The following CPS1 variants were observed in gnomAD, a reference collection of about 807,000 sequenced individuals.
The protein encoded by CPS1 is carbamoyl-phosphate synthase [ammonia], mitochondrial.
Under a neutral mutation model 174.6 loss-of-function variants are expected in CPS1, and 109 were observed. The observed-to-expected ratio is 0.62, with a 90% CI of 0.53 to 0.73. The LOEUF (loss-of-function observed/expected upper bound fraction) is 0.73. CPS1 is among the 30% of genes least tolerant of loss of function. CPS1 has a pLI of 0.00. For missense variants in CPS1, 1,689 were observed against 1,821.9 expected (o/e 0.93, Z 1.33); for synonymous variants, 637 against 632.0 (o/e 1.01, Z -0.12).
At chr2:210,571,136 A>T (rs1697465555) in intron 1 of CPS1, among the ~76,000 whole-genome samples, 1 of 151,936 alleles carries the variant, frequency 6.6e-6, no homozygotes, top group Non-Finnish European at 1.5e-5. Flanking sequence ...TTCACTCATA[A>T]TAAATAATAA....
intron 1 of CPS1, among the ~76,000 whole-genome samples, chr2:210,485,549 AT>A (rs979500985): frequency 1.8e-4 from 27 of 151,936 alleles, no homozygotes; most frequent in Admixed American, 3.3e-4. Context: ...TGTAATTCTG[AT>A]TTTTTTCACT....
chr2:210,502,485 G>C (rs1166760291), intron 1 of CPS1, among the ~76,000 whole-genome samples: 1 of 146,364 alleles, frequency 6.8e-6, no homozygotes, highest in Non-Finnish European at 1.5e-5. Context: ...ATATATAAAA[G>C]AGATATAAAT....
chr2:210,623,547 G>A (rs571732297), intron 21 of CPS1, among the ~76,000 whole-genome samples: 8 of 152,024 alleles, frequency 5.3e-5, no homozygotes, highest in African/African-American at 1.2e-4. Flanking sequence ...ATTTCCATCC[G>A]AAATCACTAT....
At chr2:210,541,122 C>CA (rs1316505363) in intron 1 of CPS1, among the ~76,000 whole-genome samples, 2 of 152,078 alleles carry the variant, frequency 1.3e-5, no homozygotes, top group African/African-American at 2.4e-5. Context: ...CTCAGATCAT[C>CA]GGGAGTGCAC....
chr2:210,660,420 A>T (rs1265997524), intron 31 of CPS1, 65 bp from the exon 32 acceptor site: 3 of 1,476,146 alleles, frequency 2.0e-6, no homozygotes, highest in Non-Finnish European at 2.8e-6. Flanking sequence ...TGGTAGAGAG[A>T]ATATTAATAT....
At chr2:210,545,558 G>A (rs1266747564) in intron 1 of CPS1, among the ~76,000 whole-genome samples, 3 of 151,732 alleles carry the variant, frequency 2.0e-5, no homozygotes, top group East Asian at 3.9e-4. Context: ...TTTTTTACAC[G>A]ATGCCTTATG....
intron 33 of CPS1, among the ~76,000 whole-genome samples, chr2:210,664,787 G>C (rs983750685): frequency 2.0e-5 from 3 of 152,134 alleles, no homozygotes; most frequent in Non-Finnish European, 4.4e-5. Context: ...TCCATTATTT[G>C]AAAGAGTCGT....
At chr2:210,486,831 A>G (rs1694742514) in intron 1 of CPS1, among the ~76,000 whole-genome samples, 1 of 152,090 alleles carries the variant, frequency 6.6e-6, no homozygotes, top group Non-Finnish European at 1.5e-5. Flanking sequence ...AATGCATTGT[A>G]GGTCAACTTC....
At chr2:210,503,723 T>G (rs1044071679) in intron 1 of CPS1, among the ~76,000 whole-genome samples, 12 of 152,182 alleles carry the variant, frequency 7.9e-5, no homozygotes, top group Admixed American at 6.5e-4. Context: ...GAAAAATTCT[T>G]ATTCAGGAGA....
chr2:210,512,664 CAT>C (rs1202115032), intron 1 of CPS1, among the ~76,000 whole-genome samples: 1 of 145,350 alleles, frequency 6.9e-6, no homozygotes, highest in Non-Finnish European at 1.5e-5. Flanking sequence ...CTGCAATGAA[CAT>C]GTGTATGCAT....
chr2:210,667,511 C>T (rs1221420025), intron 33 of CPS1, among the ~76,000 whole-genome samples: 1 of 152,168 alleles, frequency 6.6e-6, no homozygotes, highest in Non-Finnish European at 1.5e-5. Flanking sequence ...CTTCTGTATA[C>T]TCTAACATTA....
At chr2:210,650,307 G>A (rs2105910827) in intron 27 of CPS1, 56 bp from the exon 28 acceptor site, 1 of 1,407,934 alleles carries the variant, frequency 7.1e-7, no homozygotes, top group Non-Finnish European at 1.0e-6. Context: ...CTGAGAACCA[G>A]TCAAGTCTAG....
chr2:210,675,050 C>A, intron 35 of CPS1, 89 bp downstream of exon 35: 1 of 1,007,276 alleles, frequency 9.9e-7, no homozygotes, highest in Non-Finnish European at 1.6e-6. Flanking sequence ...AGAAATAGCC[C>A]AAAATATGTC....
intron 1 of CPS1, among the ~76,000 whole-genome samples, chr2:210,485,411 A>G (rs548486353): frequency 6.6e-6 from 1 of 152,104 alleles, no homozygotes; most frequent in Non-Finnish European, 1.5e-5. Context: ...CATACCATTT[A>G]TAATTCCTCC....
intron 28 of CPS1, among the ~76,000 whole-genome samples, chr2:210,652,664 T>C (rs964809232): frequency 2.6e-5 from 4 of 152,150 alleles, no homozygotes; most frequent in African/African-American, 9.7e-5. Context: ...TTTTAACCTT[T>C]TGAATGTGAA....
In CPS1 at chr2:210,497,900, A is replaced by ATATCTATATATATC. The variant is rs1277092683; in HGVS notation, c.3+20137_3+20138insCTATATATATCTAT. Among the ~76,000 whole-genome samples the ATATCTATATATATC allele has an allele frequency of 6.7e-5, 9 of 134,644 alleles. No individual in the cohort carries two copies. The East Asian group carries it at 1.5e-3, about 23-fold the overall frequency. 88.3% of individuals were successfully genotyped at this position (134,644 alleles called of 152,430 possible). On this transcript the variant is annotated intron_variant, in intron 1 of 38. Coordinates refer to the CPS1 transcript ENST00000430249. ...TAGAACAATATATACATACATATAT[A>ATATCTATATATATC]TATATATATATATATATATCTCCAG...
intron 8 of CPS1, 108 bp downstream of exon 8, chr2:210,590,342 C>G: frequency 6.6e-7 from 1 of 1,519,698 alleles, no homozygotes; most frequent in East Asian, 2.3e-5. Context: ...TTTTTCAATG[C>G]TGGTATTTGT....
intron 34 of CPS1, among the ~76,000 whole-genome samples, chr2:210,670,619 A>T (rs1701269153): frequency 6.6e-6 from 1 of 152,168 alleles, no homozygotes; most frequent in Non-Finnish European, 1.5e-5. Context: ...AGAACTGAAA[A>T]ATAGCACAAA....
chr2:210,492,796 A>G (rs150983770), intron 1 of CPS1, among the ~76,000 whole-genome samples: 124 of 152,286 alleles, frequency 8.1e-4, no homozygotes, highest in African/African-American at 2.8e-3. Flanking sequence ...TTAACAAACA[A>G]TATAAAATAC....
Sources: gnomAD v4.1 joint callset for allele counts (sites outside exome capture counted in the v4.1 genomes callset) on GRCh38, gnomAD v4.1.1 for gene constraint, MANE v1.5 for transcripts, NCBI Gene and HGNC (gene_info 2026-07-23, HGNC 2026-07-21) for gene names.